Variants in RYR3 observed in about 807,000 individuals in gnomAD.
RYR3 encodes the protein ryanodine receptor 3.
RYR3 carries 207 observed loss-of-function variants against 584.3 expected under a neutral mutation model. The ratio of observed to expected loss-of-function variants is 0.35; its 90% CI spans 0.32 to 0.40. The LOEUF is 0.40. RYR3 is among the 10% of genes least tolerant of loss of function. The probability of loss-of-function intolerance (pLI) is 1.00; values close to 1 mark genes in which losing one functional copy is unlikely to be tolerated. For missense variants in RYR3, 5,616 were observed against 6,089.2 expected (o/e 0.92, Z 2.59); for synonymous variants, 2,416 against 2,248.5 (o/e 1.07, Z -2.11).
intron 47 of RYR3, 46 bp from the exon 48 acceptor site, chr15:33,731,428 C>T (rs1360288335): frequency 3.5e-6 from 5 of 1,427,860 alleles, no homozygotes; most frequent in Non-Finnish European, 3.9e-6. Flanking sequence ...CAGCTTTGCT[C>T]TGTTCCTCAG....
intron 1 of RYR3, among the ~76,000 whole-genome samples, chr15:33,356,062 T>G (rs149654080): frequency 6.6e-6 from 1 of 152,224 alleles, no homozygotes; most frequent in East Asian, 1.9e-4. Context: ...GTTTCAGAGA[T>G]AGATAAGAAC....
chr15:33,316,109 C>CA (rs370775425), intron 1 of RYR3, among the ~76,000 whole-genome samples: 176 of 149,432 alleles, frequency 1.2e-3, no homozygotes, highest in African/African-American at 4.0e-3. Flanking sequence ...GATCTGAGGG[C>CA]AAAAAAAATG....
Position 33,624,015 on chromosome 15 carries a change from A to C in RYR3, c.2566A>C (p.Thr856Pro). ...CTCTTTCATCCCATGCCCCGTAGAC[A>C]CCAGTCAGGTAGGTTCAAATTGCCC... ...QASFIPCPVDTSQVILPPHLE... is the reference protein window; with the variant it reads ...QASFIPCPVDPSQVILPPHLE... The change falls in exon 20 of 104, where the codon ACC becomes CCC. Residue 856 changes from threonine to proline, a missense_variant. Around this residue, in one of 9 missense-constraint regions of RYR3, gnomAD observed 1,284 missense variants for 1,344.6 expected, o/e 0.95. Transcript: ENST00000634891. The C allele has an allele frequency of 6.2e-7, 1 of 1,613,380 alleles. No homozygotes were observed. The highest frequency in any genetic ancestry group is 8.5e-7 in the Non-Finnish European group (1 of 1,179,436).
At chr15:33,780,174 G>A in intron 64 of RYR3, 37 bp from the exon 65 acceptor site, 1 of 1,606,090 alleles carries the variant, frequency 6.2e-7, no homozygotes, top group Non-Finnish European at 8.5e-7. Context: ...CCAGCATGTG[G>A]GGGGCCACAC....
At chr15:33,602,733 CTTTTTTTTTTTTTTTTT>C (rs10578832) in intron 17 of RYR3, among the ~76,000 whole-genome samples, 4 of 75,232 alleles carry the variant, frequency 5.3e-5, no homozygotes, top group South Asian at 1.2e-3. Context: ...TTTTTCTAGT[CTTTTTTTTTTTTTTTTT>C]TTTTTTTTTT....
rs913083884 is a variant in RYR3, at chr15:33,456,563, C to G, written c.52-16856C>G. Among the ~76,000 whole-genome samples, 10 of 152,204 alleles carry G rather than the reference C, an allele frequency of 6.6e-5. No individual in the cohort carries two copies. The East Asian group carries it at 1.9e-3, about 29-fold the overall frequency. ...CTGAGAGGTTTGGAATCAGTGGCTC[C>G]CGAGGTGCTTCACTCCTAAACACTG... On this transcript the variant is annotated intron_variant, in intron 1 of 103. Transcript: ENST00000634891.
At position 33,628,466 on chromosome 15, in the gene RYR3, T is replaced by G; in HGVS notation, c.2575-5T>G. The stretch of plus-strand genomic sequence containing the variant: ...GATTCTTTTCACTTGCTCCTTTTCC[T>G]TTAGGTTATTTTGCCACCTCACCTA... On this transcript the variant is annotated splice_polypyrimidine_tract_variant and splice_region_variant and intron_variant, in intron 20 of 103. Coordinates refer to ENST00000634891, the MANE Select transcript of RYR3 (RefSeq NM_001036.6). 1.3e-6 allele frequency: 2 copies of G among 1,594,022 alleles called. No individual in the cohort carries two copies. Among genetic ancestry groups the G allele is most frequent in the Non-Finnish European group, 1.7e-6 (2 of 1,161,716 alleles).
chr15:33,745,293 A>G (rs916006918), intron 52 of RYR3, among the ~76,000 whole-genome samples: 1 of 151,818 alleles, frequency 6.6e-6, no homozygotes, highest in African/African-American at 2.4e-5. Context: ...TGAAACTAGG[A>G]GGGAGTTTCT....
rs2070240028 is a variant in RYR3 at position 33,742,417 on chromosome 15, T to C, written c.7872T>C (p.His2624=). The C allele has an allele frequency of 1.2e-6, 2 of 1,612,650 alleles. No individual in the cohort carries two copies. The highest frequency in any genetic ancestry group is 1.7e-5 in the Admixed American group (1 of 60,000). The stretch of plus-strand genomic sequence containing the variant: ...ACATCGTCACCAAGTATGCTGAGCA[T>C]TCACATGATAAATGGGCCTGTGACA... ...LEYIVTKYAE[H]SHDKWACDKS... is the part of the protein sequence containing the mutation. The change falls in exon 52 of 104, where the codon CAT becomes CAC. Residue 2624 remains histidine (H), a synonymous_variant. Transcript: ENST00000634891.
intron 1 of RYR3, among the ~76,000 whole-genome samples, chr15:33,356,102 C>T (rs879692324): frequency 5.9e-5 from 9 of 151,982 alleles, no homozygotes; most frequent in Non-Finnish European, 7.3e-5. Flanking sequence ...ATCATGCATA[C>T]GATGAGGTTC....
At chr15:33,387,241 A>T (rs1287175380) in intron 1 of RYR3, among the ~76,000 whole-genome samples, 1 of 152,166 alleles carries the variant, frequency 6.6e-6, no homozygotes, top group Non-Finnish European at 1.5e-5. Context: ...CTGATGGACA[A>T]TTGGGTTGCT....
At chr15:33,785,582 G>A in intron 65 of RYR3, 80 bp from the exon 66 acceptor site, 1 of 1,171,828 alleles carries the variant, frequency 8.5e-7, no homozygotes, top group East Asian at 2.6e-5. Context: ...AAAGACCAAA[G>A]GAAAGGAGGG....
chr15:33,464,470 A>ATG (rs2048295479), intron 1 of RYR3, among the ~76,000 whole-genome samples: 1 of 77,262 alleles, frequency 1.3e-5, no homozygotes, highest in African/African-American at 8.5e-5. Flanking sequence ...GGAGATATAT[A>ATG]TATATATATA....
intron 49 of RYR3, among the ~76,000 whole-genome samples, chr15:33,737,956 G>A (rs1287191812): frequency 2.0e-5 from 3 of 152,108 alleles, no homozygotes; most frequent in Admixed American, 1.3e-4. Context: ...GCGGGCACGG[G>A]GAGTGGGGGC....
chr15:33,642,423 C>T (rs1170027830), intron 27 of RYR3, among the ~76,000 whole-genome samples: 1 of 152,340 alleles, frequency 6.6e-6, no homozygotes, highest in Non-Finnish European at 1.5e-5. Flanking sequence ...AGTTACCTCC[C>T]TTAGTAGAAT....
At chr15:33,743,565 T>G (rs1375939800) in intron 52 of RYR3, among the ~76,000 whole-genome samples, 2 of 152,214 alleles carry the variant, frequency 1.3e-5, no homozygotes, top group Admixed American at 1.3e-4. Context: ...CATCTGCGTT[T>G]TCTGAGAACT....
intron 99 of RYR3, 132 bp downstream of exon 99, chr15:33,858,046 T>C: frequency 8.4e-7 from 1 of 1,194,386 alleles, no homozygotes; most frequent in Admixed American, 2.6e-5. Context: ...ACAGCAGAGA[T>C]TAAAGTAGAA....
intron 66 of RYR3, among the ~76,000 whole-genome samples, chr15:33,786,293 A>G (rs1005570544): frequency 2.6e-5 from 4 of 152,168 alleles, no homozygotes; most frequent in Admixed American, 2.0e-4. Context: ...CAAGAATCCC[A>G]TTAGCTCTTA....
At chr15:33,464,422 C>G (rs2096197782) in intron 1 of RYR3, among the ~76,000 whole-genome samples, 1 of 137,240 alleles carries the variant, frequency 7.3e-6, no homozygotes, top group South Asian at 2.3e-4. Context: ...TAAAACCAAG[C>G]AAGCAAAAGA....
Sources: allele counts gnomAD v4.1 joint callset (sites outside exome capture counted in the v4.1 genomes callset), GRCh38; gene constraint gnomAD v4.1.1; regional missense constraint gnomAD v4.1.1; transcripts MANE v1.5; gene names NCBI Gene and HGNC (gene_info 2026-07-23, HGNC 2026-07-21).